The following OTOGL variants were observed in gnomAD, a reference collection of about 807,000 sequenced individuals.
OTOGL encodes otogelin-like protein.
Under a neutral mutation model 318.5 loss-of-function variants are expected in OTOGL, and 285 were observed. The observed-to-expected ratio is 0.89, with a 90% CI of 0.81 to 0.99. The LOEUF (loss-of-function observed/expected upper bound fraction) is 0.99. Among genes scored for constraint, OTOGL ranks in the 50% least tolerant of loss-of-function variants. The pLI, the probability that OTOGL is intolerant of heterozygous loss-of-function variation, is 0.00. For missense variants in OTOGL, 2,899 were observed against 2,845.6 expected, an observed-to-expected ratio of 1.02 and a Z score of -0.43; for synonymous variants, 987 against 936.5, an observed-to-expected ratio of 1.05 and a Z score of -0.99.
At chr12:80,110,050 T>C (rs1283147556) in intron 1 of OTOGL, among the ~76,000 whole-genome samples, 3 of 148,366 alleles carry the variant, frequency 2.0e-5, no homozygotes, top group African/African-American at 7.5e-5. Context: ...TCTACATTAG[T>C]TTTTTTTTCT....
Position 80,366,637 on chromosome 12 carries a change from G to A in OTOGL, c.6331G>A (p.Glu2111Lys). The change falls in exon 53 of 59, where the codon GAA becomes AAA. Residue 2111 changes from glutamate to lysine, a missense_variant and splice_region_variant. This residue lies in a region of OTOGL where 289 missense variants were observed against 304.6 expected (regional missense o/e 0.95). Transcript: ENST00000547103. ...SDCGCIQYLC[E>K]KDDVCVFQEV... is the part of the protein sequence containing the mutation. ...TTGTGGATGCATACAGTATCTCTGT[G>A]GTAACTATGTCTTTTGTAACTTTTA... The A allele has an allele frequency of 4.4e-6, 6 of 1,372,868 alleles. No homozygotes were observed. The highest frequency in any genetic ancestry group is 5.7e-6 in the Non-Finnish European group (6 of 1,047,572). The allele number at this position is 1,372,868 out of a possible 1,614,324, so 85.0% of individuals were successfully genotyped here. A position where few individuals can be genotyped will look rare whatever the true frequency, so the allele number is the denominator to read the frequency against.
intron 1 of OTOGL, among the ~76,000 whole-genome samples, chr12:80,198,142 C>G (rs190058599): frequency 3.3e-5 from 5 of 152,156 alleles, no homozygotes; most frequent in Admixed American, 3.3e-4. Context: ...ATATTCTCCC[C>G]GTTACATATG....
chr12:80,353,298 G>T, intron 45 of OTOGL, 27 bp from the exon 46 acceptor site: 1 of 1,326,902 alleles, frequency 7.5e-7, no homozygotes, highest in Non-Finnish European at 9.8e-7. Flanking sequence ...TTTATCATTA[G>T]CAAATTTTGT....
At chr12:80,321,397 G>T (rs1451352174) in intron 34 of OTOGL, among the ~76,000 whole-genome samples, 1 of 152,190 alleles carries the variant, frequency 6.6e-6, no homozygotes, top group African/African-American at 2.4e-5. Flanking sequence ...TGCCTTTTCT[G>T]TTGAGAATAT....
At chr12:80,198,731 TG>T (rs1386560305) in intron 1 of OTOGL, among the ~76,000 whole-genome samples, 1 of 152,240 alleles carries the variant, frequency 6.6e-6, no homozygotes, top group Non-Finnish European at 1.5e-5. Flanking sequence ...CTTAATTAGT[TG>T]TGCCAGAAAA....
chr12:80,353,866 A>G (rs1274763126), intron 46 of OTOGL, among the ~76,000 whole-genome samples: 1 of 152,196 alleles, frequency 6.6e-6, no homozygotes, highest in Non-Finnish European at 1.5e-5. Context: ...GAAAGTGAGG[A>G]AAATAATAGT....
chr12:80,148,282 G>A (rs899868141), intron 1 of OTOGL, among the ~76,000 whole-genome samples: 16 of 146,384 alleles, frequency 1.1e-4, no homozygotes, highest in East Asian at 4.0e-4. Context: ...TTGCTTGTCT[G>A]TAAAGTATTT....
intron 26 of OTOGL, among the ~76,000 whole-genome samples, chr12:80,287,970 T>C (rs985643670): frequency 6.6e-6 from 1 of 152,230 alleles, no homozygotes; most frequent in Non-Finnish European, 1.5e-5. Context: ...TGCACATTAG[T>C]TGATGCAGTT....
intron 1 of OTOGL, among the ~76,000 whole-genome samples, chr12:80,106,858 TG>T (rs1447731830): frequency 5.3e-5 from 8 of 152,082 alleles, no homozygotes; most frequent in African/African-American, 1.9e-4. Flanking sequence ...ATTAGTACTA[TG>T]TTTTTTTCTT....
At chr12:80,370,749 G>T in intron 56 of OTOGL, 60 bp downstream of exon 56, 1 of 1,263,770 alleles carries the variant, frequency 7.9e-7, no homozygotes, top group Non-Finnish European at 1.1e-6. Flanking sequence ...AATACACATT[G>T]ATATTTTCTA....
chr12:80,144,306 T>C (rs1451400293), intron 1 of OTOGL, among the ~76,000 whole-genome samples: 1 of 151,656 alleles, frequency 6.6e-6, no homozygotes, highest in Non-Finnish European at 1.5e-5. Context: ...ATATGCGGTG[T>C]TTGGTTTTTT....
chr12:80,170,598 T>A (rs1215601682), intron 1 of OTOGL, among the ~76,000 whole-genome samples: 6 of 152,060 alleles, frequency 3.9e-5, no homozygotes, highest in Non-Finnish European at 8.8e-5. Flanking sequence ...CATGCCCGTA[T>A]AATTTTTGTA....
chr12:80,177,352 C>CCATTT (rs1874598203), intron 1 of OTOGL, among the ~76,000 whole-genome samples: 1 of 152,120 alleles, frequency 6.6e-6, no homozygotes, highest in Non-Finnish European at 1.5e-5. Context: ...TGCTACAACA[C>CCATTT]CATTTGTTAA....
At chr12:80,252,492 C>T (rs1344031975) in intron 13 of OTOGL, among the ~76,000 whole-genome samples, 2 of 152,082 alleles carry the variant, frequency 1.3e-5, no homozygotes, top group African/African-American at 4.8e-5. Flanking sequence ...ATTTATATAT[C>T]TTCACTTTTT....
chr12:80,244,943 T>G (rs1285096201), intron 11 of OTOGL, among the ~76,000 whole-genome samples: 2 of 148,744 alleles, frequency 1.3e-5, no homozygotes, highest in Admixed American at 1.3e-4. Context: ...TTTCATGTGT[T>G]TTTTGGCTGC....
intron 16 of OTOGL, 32 bp from the exon 17 acceptor site, chr12:80,256,305 T>C (rs1352743273): frequency 1.1e-5 from 17 of 1,581,804 alleles, no homozygotes; most frequent in Admixed American, 1.7e-5. Context: ...CTCTCTCCCA[T>C]TCCTTGCATT....
At chr12:80,166,397 A>G (rs918452294) in intron 1 of OTOGL, among the ~76,000 whole-genome samples, 4 of 152,184 alleles carry the variant, frequency 2.6e-5, no homozygotes. Flanking sequence ...AATCTAAGTC[A>G]TAAATCTAAG....
intron 45 of OTOGL, among the ~76,000 whole-genome samples, chr12:80,353,107 C>T (rs548961339): frequency 1.3e-5 from 2 of 152,014 alleles, no homozygotes; most frequent in Admixed American, 6.6e-5. Context: ...CCTAGCAGAC[C>T]CTTAGAAAAT....
rs2138130908 is a variant in OTOGL at position 80,377,918 on chromosome 12, TA to T, written c.6934del (p.Arg2312AspfsTer35). ...TIYNINIESH[L>X]RFCKCCRENG... is the part of the protein sequence containing the mutation. ...TATAACATCAATATTGAAAGTCACC[TA>T]AGATTCTGCAAGTGTTGTCGTGAAA... is the stretch of plus-strand genomic sequence containing the variant. On this transcript the variant is annotated frameshift_variant, in exon 59 of 59. Transcript: ENST00000547103. LOFTEE classifies it high-confidence loss of function. 1.2e-6 allele frequency: 2 copies of T among 1,611,248 alleles called. No homozygotes were observed. The highest frequency in any genetic ancestry group is 4.5e-5 in the East Asian group (2 of 44,792).
Sources: gnomAD v4.1 joint callset for allele counts (sites outside exome capture counted in the v4.1 genomes callset) on GRCh38, gnomAD v4.1.1 for gene constraint, gnomAD v4.1.1 regional missense constraint, MANE v1.5 for transcripts, NCBI Gene and HGNC (gene_info 2026-07-23, HGNC 2026-07-21) for gene names.